The following NT5C1A variants were observed in gnomAD, a reference collection of about 807,000 sequenced individuals.
NT5C1A encodes cytosolic 5'-nucleotidase 1A.
Under a neutral mutation model 31.0 loss-of-function variants are expected in NT5C1A, and 18 were observed. The ratio of observed to expected loss-of-function variants is 0.58; its 90% confidence interval spans 0.40 to 0.86. NT5C1A has a LOEUF of 0.86. Ranked by LOEUF, NT5C1A falls within the 40% of genes least tolerant of loss-of-function variation. The pLI, the probability that NT5C1A is intolerant of heterozygous loss-of-function variation, is 0.00. For synonymous variants in NT5C1A, 185 were observed against 203.6 expected (o/e 0.91, Z 0.78); for missense variants, 470 against 505.4 (o/e 0.93, Z 0.67).
intron 1 of NT5C1A, among the ~76,000 whole-genome samples, chr1:39,667,480 TC>T (rs1646529681): frequency 6.6e-6 from 1 of 152,120 alleles, no homozygotes; most frequent in Admixed American, 6.5e-5. Context: ...GGGTCCTGAT[TC>T]CCACTTTACA....
rs1377961981 is a variant in NT5C1A at position 39,659,037 on chromosome 1, GA to G, written c.*83del. On this transcript the variant is annotated 3_prime_UTR_variant, in exon 6 of 6. Coordinates refer to ENST00000235628, the MANE Select transcript of NT5C1A (RefSeq NM_032526.3). The stretch of plus-strand genomic sequence containing the variant: ...GACAGGCAGAAGGACAGAACAGTGA[GA>G]AACTAGAGGGATCTACCAGAGGAGG... The G allele has an allele frequency of 2.7e-6, 4 of 1,485,118 alleles. No individual in the cohort carries two copies. The African/African-American group carries it at 5.6e-5, about 21-fold the overall frequency. 92.0% of individuals were successfully genotyped at this position (1,485,118 alleles called of 1,614,324 possible).
chr1:39,666,331 AAGACCC>A, intron 1 of NT5C1A, 95 bp from the exon 2 acceptor site: 1 of 1,258,748 alleles, frequency 7.9e-7, no homozygotes, highest in Non-Finnish European at 1.1e-6. Flanking sequence ...GGACATGGAG[AAGACCC>A]AGACCCAGTC....
At position 39,662,762 on chromosome 1, in the gene NT5C1A, C is replaced by A. The variant is rs562990497; in HGVS notation, c.556+550G>T. Among the ~76,000 whole-genome samples, 73 of 152,280 alleles carry A rather than the reference C, an allele frequency of 4.8e-4. 1 individual carries two copies. The highest frequency in any genetic ancestry group is 1.5e-3 in the South Asian group (7 of 4,826). On this transcript the variant is annotated intron_variant, in intron 4 of 5. Coordinates refer to ENST00000235628, the MANE Select transcript of NT5C1A (RefSeq NM_032526.3). Reference sequence around the variant, plus strand: ...GGGAGGACTGAGACTATGGATACCACCCAAAACTGCCCCTCGAAAGACACA... The same window carrying A: ...GGGAGGACTGAGACTATGGATACCAACCAAAACTGCCCCTCGAAAGACACA...
Position 39,658,649 on chromosome 1 carries a change from G to C in NT5C1A, c.*472C>G, listed in dbSNP as rs987786627. The stretch of plus-strand genomic sequence containing the variant: ...AAGAACCAAGCTTCTTTGGCTAAAA[G>C]GGAGCTTGAAAACTGCCCAAAAGAT... On this transcript the variant is annotated 3_prime_UTR_variant, in exon 6 of 6. Transcript: ENST00000235628. Among the ~76,000 whole-genome samples the C allele has an allele frequency of 1.3e-5, 2 of 152,198 alleles. No homozygotes were observed. Among genetic ancestry groups the C allele is most frequent in the Admixed American group, 1.3e-4 (2 of 15,284 alleles).
chr1:39,671,965 G>A lies in NT5C1A; in HGVS notation c.74C>T (p.Pro25Leu), dbSNP rs566940996. ...GAAAATCTTGGCTTCCTCCCAGACC[G>A]GGGCCGCAGCGGTCTCCGCTCCTGG... Reference protein sequence around the residue: ...PGPGAETAAAPVWEEAKIFYD... With the variant: ...PGPGAETAAALVWEEAKIFYD... The change falls in exon 1 of 6, where the codon CCG becomes CTG. Residue 25 changes from proline to leucine, a missense_variant. By Grantham distance (98) the Pro-to-Leu change is moderately conservative. Transcript: ENST00000235628. 9 of 1,612,248 alleles carry A rather than the reference G, an allele frequency of 5.6e-6. No homozygotes were observed. In the African/African-American group the frequency reaches 6.7e-5, roughly 12 times the overall value.
At chr1:39,666,392 A>G (rs1646522613) in intron 1 of NT5C1A, among the ~76,000 whole-genome samples, 156 bp from the exon 2 acceptor site, 1 of 152,216 alleles carries the variant, frequency 6.6e-6, no homozygotes, top group South Asian at 2.1e-4. Context: ...GACTTAGGTC[A>G]GGACCCCATC....
At chr1:39,664,822 A>G (rs1210376362) in intron 3 of NT5C1A, among the ~76,000 whole-genome samples, 1 of 151,734 alleles carries the variant, frequency 6.6e-6, no homozygotes, top group Non-Finnish European at 1.5e-5. Flanking sequence ...ATTTAGGAAA[A>G]GCAGAGAAAT....
rs1646448184 is a variant in NT5C1A at position 39,654,097 on chromosome 1, T to G, written c.*5024A>C. 6.6e-6 allele frequency among the ~76,000 whole-genome samples: 1 copy of G among 152,230 alleles called. No individual in the cohort carries two copies. The highest frequency in any genetic ancestry group is 2.4e-5 in the African/African-American group (1 of 41,466). ...GCTGTAGATGGGGCGTCTTCCATAC[T>G]GTCTGTTCTTGCAGTGGATCCTGGA... On this transcript the variant is annotated 3_prime_UTR_variant, in exon 6 of 6. Coordinates refer to ENST00000235628, the MANE Select transcript of NT5C1A (RefSeq NM_032526.3).
rs1281666368 is a variant in NT5C1A at position 39,653,506 on chromosome 1, A to G, written c.*5615T>C. On this transcript the variant is annotated 3_prime_UTR_variant, in exon 6 of 6. Coordinates refer to ENST00000235628, the MANE Select transcript of NT5C1A (RefSeq NM_032526.3). ...TATGTGTGCATCCATACACACAATCACAGTAATTGCCGGCAAGAGCAATCG... is the reference window on the plus strand; with the variant it reads ...TATGTGTGCATCCATACACACAATCGCAGTAATTGCCGGCAAGAGCAATCG... Among the ~76,000 whole-genome samples, 1 of 152,166 alleles carries G rather than the reference A, an allele frequency of 6.6e-6. No individual in the cohort carries two copies. The highest frequency in any genetic ancestry group is 2.4e-5 in the African/African-American group (1 of 41,450).
rs766985815 is a variant in NT5C1A, at chr1:39,656,501, G to A, written c.*2620C>T. Among the ~76,000 whole-genome samples, 3 of 152,338 alleles carry A rather than the reference G, an allele frequency of 2.0e-5. No homozygotes were observed. The highest frequency in any genetic ancestry group is 2.1e-4 in the South Asian group (1 of 4,820). ...GTTTCTCCATTGCCCAGGGCTGTCT[G>A]TGTCTATTAATGATGGCTCCAGTGA... On this transcript the variant is annotated 3_prime_UTR_variant, in exon 6 of 6. Coordinates refer to ENST00000235628, the MANE Select transcript of NT5C1A (RefSeq NM_032526.3).
At chr1:39,670,028 A>G (rs1430510366) in intron 1 of NT5C1A, among the ~76,000 whole-genome samples, 1 of 152,246 alleles carries the variant, frequency 6.6e-6, no homozygotes, top group Non-Finnish European at 1.5e-5. Context: ...GCCAGATATT[A>G]CCATATATCT....
In NT5C1A at chr1:39,653,552, T is replaced by C. The variant is rs569018314; in HGVS notation, c.*5569A>G. 3.3e-5 allele frequency among the ~76,000 whole-genome samples: 5 copies of C among 152,316 alleles called. No homozygotes were observed. The East Asian group carries it at 9.6e-4, about 29-fold the overall frequency. On this transcript the variant is annotated 3_prime_UTR_variant, in exon 6 of 6. Coordinates refer to ENST00000235628, the MANE Select transcript of NT5C1A (RefSeq NM_032526.3). ...AATCGGCTCGTCACTCGGGCATATTTAGCAAACATTTCCAGAGCACCTGAA... is the reference window on the plus strand; with the variant it reads ...AATCGGCTCGTCACTCGGGCATATTCAGCAAACATTTCCAGAGCACCTGAA...
At chr1:39,663,290 C>T (rs377503672) in intron 4 of NT5C1A, 22 bp downstream of exon 4, 36 of 1,613,958 alleles carry the variant, frequency 2.2e-5, no homozygotes, top group Non-Finnish European at 3.1e-5. Context: ...TCCCCATATT[C>T]TTCCTCTTCA....
At position 39,657,327 on chromosome 1, in the gene NT5C1A, C is replaced by G. The variant is rs1448303723; in HGVS notation, c.*1794G>C. ...ATCTTTCTGCATCTCTTACCCTGCC[C>G]CACACTGCACAGAACCTGTGCCCTT... On this transcript the variant is annotated 3_prime_UTR_variant, in exon 6 of 6. Coordinates refer to ENST00000235628, the MANE Select transcript of NT5C1A (RefSeq NM_032526.3). Among the ~76,000 whole-genome samples, 1 of 152,212 alleles carries G rather than the reference C, an allele frequency of 6.6e-6. No homozygotes were observed. Among genetic ancestry groups the G allele is most frequent in the Non-Finnish European group, 1.5e-5 (1 of 68,028 alleles).
chr1:39,662,279 T>C (rs1646495903), intron 4 of NT5C1A, among the ~76,000 whole-genome samples: 1 of 152,174 alleles, frequency 6.6e-6, no homozygotes. Flanking sequence ...GCAGGGCCAG[T>C]GCCAGGCATC....
chr1:39,667,236 T>C lies in NT5C1A; in HGVS notation c.136-1000A>G, dbSNP rs200139446. Among the ~76,000 whole-genome samples the C allele has an allele frequency of 2.8e-4, 42 of 150,454 alleles. 1 individual carries two copies. In the East Asian group the frequency reaches 5.3e-3, roughly 19 times the overall value. ...TTTTTTCTGAGATGGAGTTTCACTC[T>C]TGTTGCCCAGGCTGGAGTGCAGTGG... On this transcript the variant is annotated intron_variant, in intron 1 of 5. Coordinates refer to ENST00000235628, the MANE Select transcript of NT5C1A (RefSeq NM_032526.3).
intron 4 of NT5C1A, 101 bp downstream of exon 4, chr1:39,663,211 T>C: frequency 7.3e-7 from 1 of 1,365,036 alleles, no homozygotes. Context: ...CTAGTTACCA[T>C]GGCAACTCCC....
chr1:39,659,793 T>C (rs1646483829), intron 5 of NT5C1A, among the ~76,000 whole-genome samples: 1 of 152,196 alleles, frequency 6.6e-6, no homozygotes, highest in South Asian at 2.1e-4. Context: ...AACTGTGGCC[T>C]TCGATGCCCA....
At position 39,656,011 on chromosome 1, in the gene NT5C1A, G is replaced by C. The variant is rs1005317703; in HGVS notation, c.*3110C>G. On this transcript the variant is annotated 3_prime_UTR_variant, in exon 6 of 6. Coordinates refer to ENST00000235628, the MANE Select transcript of NT5C1A (RefSeq NM_032526.3). Reference sequence around the variant, plus strand: ...CTGATATATCCCCACTACTCTGATTGGGCTCTCAGATAGGAGAGGGGGATG... The same window carrying C: ...CTGATATATCCCCACTACTCTGATTCGGCTCTCAGATAGGAGAGGGGGATG... Among the ~76,000 whole-genome samples the C allele has an allele frequency of 1.3e-5, 2 of 152,034 alleles. No individual in the cohort carries two copies. The highest frequency in any genetic ancestry group is 4.8e-5 in the African/African-American group (2 of 41,382).
Sources: allele counts gnomAD v4.1 joint callset (sites outside exome capture counted in the v4.1 genomes callset), GRCh38; gene constraint gnomAD v4.1.1; transcripts MANE v1.5; gene names NCBI Gene and HGNC (gene_info 2026-07-23, HGNC 2026-07-21).